The following NEXMIF variants were observed in gnomAD, a reference collection of about 807,000 sequenced individuals.
NEXMIF encodes the protein neurite extension and migration factor.
A neutral mutation model predicts 62.1 loss-of-function variants in NEXMIF; 8 were observed. That is an observed-to-expected ratio of 0.13 (90% CI 0.08 to 0.23). NEXMIF has a LOEUF of 0.23. Ranked by LOEUF, NEXMIF falls within the 10% of genes least tolerant of loss-of-function variation. The pLI is 1.00. For missense variants in NEXMIF, 976 were observed against 1,113.3 expected (o/e 0.88, Z 1.75); for synonymous variants, 404 against 416.6 (o/e 0.97, Z 0.37).
chrX:74,863,216 A>G (rs2147500523), intron 1 of NEXMIF, among the ~76,000 whole-genome samples: 1 of 110,550 alleles, frequency 9.0e-6, no homozygotes, highest in Non-Finnish European at 1.9e-5. Flanking sequence ...CATCACAACT[A>G]AAAGAACTAG....
chrX:74,846,190 TCTC>T (rs1430954505), intron 1 of NEXMIF, among the ~76,000 whole-genome samples: 1 of 112,779 alleles, frequency 8.9e-6, no homozygotes, highest in Non-Finnish European at 1.9e-5. Flanking sequence ...TTTAATTTTA[TCTC>T]CTCCTTTTTG....
intron 1 of NEXMIF, among the ~76,000 whole-genome samples, chrX:74,892,309 T>A (rs1035014604): frequency 8.9e-6 from 1 of 112,296 alleles, no homozygotes; most frequent in Non-Finnish European, 1.9e-5. Flanking sequence ...GAGAAATTTG[T>A]TACAGGGCTT....
chrX:74,868,454 G>A (rs1357456437), intron 1 of NEXMIF, among the ~76,000 whole-genome samples: 1 of 111,412 alleles, frequency 9.0e-6, no homozygotes, highest in Non-Finnish European at 1.9e-5. Flanking sequence ...GCATAAAAAG[G>A]AACAAGATTA....
intron 1 of NEXMIF, among the ~76,000 whole-genome samples, chrX:74,879,544 T>C (rs1602262852): frequency 8.9e-6 from 1 of 112,226 alleles, no homozygotes; most frequent in African/African-American, 3.2e-5. Flanking sequence ...AGATCAAGGC[T>C]GTGGTATTTA....
rs5937297 is a variant in NEXMIF, at chrX:74,774,158, G to A, written c.-47-28461C>T. On this transcript the variant is annotated intron_variant, in intron 1 of 3. Coordinates refer to ENST00000055682, the MANE Select transcript of NEXMIF (RefSeq NM_001008537.3). Reference sequence around the variant, plus strand: ...GTTAAGGAATTTATAAGTGAATATGGTAACAGGATTATAGAGGGCTTTACA... The same window carrying A: ...GTTAAGGAATTTATAAGTGAATATGATAACAGGATTATAGAGGGCTTTACA... Among the ~76,000 whole-genome samples the A allele has an allele frequency of 6.9e-3, 760 of 110,881 alleles. 6 individuals carry two copies. Among genetic ancestry groups the A allele is most frequent in the Non-Finnish European group, 0.011 (608 of 53,020 alleles).
At chrX:74,873,936 G>A (rs2080616117) in intron 1 of NEXMIF, among the ~76,000 whole-genome samples, 2 of 111,118 alleles carry the variant, frequency 1.8e-5, no homozygotes, top group South Asian at 7.7e-4. Context: ...CTCCCATTTT[G>A]TAGGCTGCCT....
At chrX:74,819,523 G>C (rs150714877) in intron 1 of NEXMIF, among the ~76,000 whole-genome samples, 1 of 111,677 alleles carries the variant, frequency 9.0e-6, no homozygotes, top group African/African-American at 3.3e-5. Context: ...AAAAGGGAGC[G>C]AAGGATATGA....
chrX:74,773,903 C>T (rs1325731979), intron 1 of NEXMIF, among the ~76,000 whole-genome samples: 2 of 59,393 alleles, frequency 3.4e-5, no homozygotes, highest in East Asian at 7.3e-4. Context: ...AGTAAGACTC[C>T]GTCTCAAAAA....
intron 1 of NEXMIF, among the ~76,000 whole-genome samples, chrX:74,879,417 G>C (rs182018798): frequency 8.9e-6 from 1 of 111,997 alleles, no homozygotes; most frequent in African/African-American, 3.2e-5. Flanking sequence ...AATTCATCTG[G>C]AATTATTTTA....
chrX:74,878,652 G>A (rs1029728414), intron 1 of NEXMIF, among the ~76,000 whole-genome samples: 25 of 112,956 alleles, frequency 2.2e-4, no homozygotes, highest in East Asian at 1.1e-3. Flanking sequence ...CTCCGTGGGC[G>A]TAGGATCCTG....
chrX:74,878,380 T>C (rs2080647367), intron 1 of NEXMIF, among the ~76,000 whole-genome samples: 1 of 112,180 alleles, frequency 8.9e-6, no homozygotes, highest in Non-Finnish European at 1.9e-5. Context: ...GGAGAACCAC[T>C]GCTCTCTTCA....
At chrX:74,758,225 A>G (rs560769212) in intron 1 of NEXMIF, among the ~76,000 whole-genome samples, 4 of 111,053 alleles carry the variant, frequency 3.6e-5, no homozygotes, top group African/African-American at 6.6e-5. Context: ...ATCTTTTAAA[A>G]TGATCTAACA....
At chrX:74,751,669 C>T (rs1326677436) in intron 1 of NEXMIF, among the ~76,000 whole-genome samples, 2 of 91,592 alleles carry the variant, frequency 2.2e-5, no homozygotes, top group African/African-American at 4.0e-5. Context: ...TTCCTTCCTT[C>T]CTTCCCTCCC....
chrX:74,741,825 G>A lies in NEXMIF; in HGVS notation c.2732C>T (p.Thr911Ile). 8.3e-7 allele frequency: 1 copy of A among 1,211,929 alleles called. No homozygotes were observed. The highest frequency in any genetic ancestry group is 1.1e-6 in the Non-Finnish European group (1 of 895,489). The stretch of plus-strand genomic sequence containing the variant: ...GGAGGCTCCAAATTCACTGGATTGG[G>A]TTGGGGCTATCTCCCTTGAGACTTC... ...MAEVSREIAP[T>I]QSSEFGASQV... is the part of the protein sequence containing the mutation. The change falls in exon 3 of 4, where the codon ACC becomes ATC. Residue 911 changes from threonine (T) to isoleucine (I), a missense_variant. Transcript: ENST00000055682.
intron 1 of NEXMIF, among the ~76,000 whole-genome samples, chrX:74,766,757 T>C (rs1307202326): frequency 2.7e-5 from 3 of 112,453 alleles, no homozygotes; most frequent in Non-Finnish European, 5.6e-5. Context: ...TTAAGAACCC[T>C]TGTTGGAGAA....
At chrX:74,893,296 C>A (rs1569364719) in intron 1 of NEXMIF, among the ~76,000 whole-genome samples, 2 of 112,133 alleles carry the variant, frequency 1.8e-5, no homozygotes, top group South Asian at 7.4e-4. Context: ...AGGAAAATGA[C>A]CTTGTTTTGT....
intron 1 of NEXMIF, among the ~76,000 whole-genome samples, chrX:74,816,945 A>C (rs1246400768): frequency 8.9e-6 from 1 of 112,311 alleles, no homozygotes; most frequent in African/African-American, 3.2e-5. Context: ...GATTTCTTAC[A>C]CAATGCATTT....
intron 1 of NEXMIF, among the ~76,000 whole-genome samples, chrX:74,875,388 T>C (rs1395730773): frequency 1.8e-5 from 2 of 111,985 alleles, no homozygotes; most frequent in Admixed American, 9.5e-5. Context: ...CTGCTGGATT[T>C]GGTTTGCTGG....
At chrX:74,752,116 G>A (rs778176088) in intron 1 of NEXMIF, among the ~76,000 whole-genome samples, 117 of 111,253 alleles carry the variant, frequency 1.1e-3, no homozygotes, top group Non-Finnish European at 1.8e-3. Context: ...CTATTTTTTC[G>A]TCTTTAAAAA....
Sources: gnomAD v4.1 joint callset for allele counts (sites outside exome capture counted in the v4.1 genomes callset) on GRCh38, gnomAD v4.1.1 for gene constraint, MANE v1.5 for transcripts, NCBI Gene and HGNC (gene_info 2026-07-23, HGNC 2026-07-21) for gene names.